ZPBP: variants seen among roughly 807,000 people sequenced by gnomAD.
ZPBP encodes zona pellucida binding protein.
Under a neutral mutation model 44.8 loss-of-function variants are expected in ZPBP, and 26 were observed. The ratio of observed to expected loss-of-function variants is 0.58; its 90% CI spans 0.43 to 0.81. The LOEUF is 0.81. Ranked by LOEUF, ZPBP falls within the 30% of genes least tolerant of loss-of-function variation. The pLI, the probability that ZPBP is intolerant of heterozygous loss-of-function variation, is 0.00. For synonymous variants in ZPBP, 174 were observed against 153.2 expected, an observed-to-expected ratio of 1.14 and a Z score of -1.00; for missense variants, 409 against 434.0, an observed-to-expected ratio of 0.94 and a Z score of 0.51.
chr7:50,034,235 A>T (rs1239765736), intron 4 of ZPBP, among the ~76,000 whole-genome samples: 1 of 151,372 alleles, frequency 6.6e-6, no homozygotes, highest in Non-Finnish European at 1.5e-5. Context: ...GTTTCTTCCA[A>T]TATCTGACTA....
chr7:49,973,811 C>T (rs1796393793), intron 7 of ZPBP, among the ~76,000 whole-genome samples: 1 of 152,216 alleles, frequency 6.6e-6, no homozygotes, highest in Non-Finnish European at 1.5e-5. Flanking sequence ...AGTAATTCCA[C>T]TCCTAGGTAT....
chr7:49,965,436 A>T (rs900408006), intron 7 of ZPBP, among the ~76,000 whole-genome samples: 5 of 152,090 alleles, frequency 3.3e-5, no homozygotes, highest in African/African-American at 1.2e-4. Flanking sequence ...TCAACAATTA[A>T]GGTAAAAGAA....
rs1799120363 is a variant in ZPBP, at chr7:50,021,982, G to A, written c.707-3666C>T. Among the ~76,000 whole-genome samples, 3 of 152,242 alleles carry A rather than the reference G, an allele frequency of 2.0e-5. No individual in the cohort carries two copies. In the South Asian group the frequency reaches 6.2e-4, roughly 32 times the overall value. ...GTCACATACTAGGTGTCCACAATAA[G>A]ACGAACATCAGATTTTTCATGAAAA... is the stretch of plus-strand genomic sequence containing the variant. On this transcript the variant is annotated intron_variant, in intron 5 of 7. Coordinates refer to ENST00000046087, the MANE Select transcript of ZPBP (RefSeq NM_007009.3).
intron 3 of ZPBP, among the ~76,000 whole-genome samples, chr7:50,078,508 A>G: frequency 6.6e-6 from 1 of 151,354 alleles, no homozygotes; most frequent in African/African-American, 2.4e-5. Flanking sequence ...TATCCACCCC[A>G]TACATATATA....
chr7:49,979,227 T>C (rs1194662598), intron 7 of ZPBP, among the ~76,000 whole-genome samples: 1 of 151,740 alleles, frequency 6.6e-6, no homozygotes, highest in African/African-American at 2.4e-5. Flanking sequence ...CGTATCACAA[T>C]TACATTGAAC....
At chr7:50,003,440 A>G (rs567381189) in intron 6 of ZPBP, among the ~76,000 whole-genome samples, 1 of 152,334 alleles carries the variant, frequency 6.6e-6, no homozygotes, top group South Asian at 2.1e-4. Flanking sequence ...CTCCAGTGGC[A>G]CAGCACAGTG....
chr7:49,905,285 T>A (rs1793026188), intron 1 of ZPBP, among the ~76,000 whole-genome samples: 1 of 152,212 alleles, frequency 6.6e-6, no homozygotes, highest in Non-Finnish European at 1.5e-5. Context: ...ACATGATAGC[T>A]ATGGAAAGTG....
intron 3 of ZPBP, among the ~76,000 whole-genome samples, chr7:50,060,690 A>T (rs1020066528): frequency 1.3e-5 from 2 of 152,130 alleles, no homozygotes; most frequent in African/African-American, 4.8e-5. Context: ...AACAACAAAA[A>T]GCCCTGGACT....
chr7:50,050,698 G>A (rs1800644392), intron 4 of ZPBP, among the ~76,000 whole-genome samples: 1 of 139,544 alleles, frequency 7.2e-6, no homozygotes, highest in Non-Finnish European at 1.5e-5. Flanking sequence ...ATTGAACCTG[G>A]ACCCTTTCCT....
chr7:50,047,228 C>T (rs150856855), intron 4 of ZPBP, among the ~76,000 whole-genome samples: 6 of 151,818 alleles, frequency 4.0e-5, no homozygotes, highest in East Asian at 1.9e-4. Flanking sequence ...CAAACCACCA[C>T]GGTATGTGTA....
Position 49,972,613 on chromosome 7 carries a change from C to G in ZPBP, c.961+10729G>C, listed in dbSNP as rs368077460. Among the ~76,000 whole-genome samples, 20 of 152,138 alleles carry G rather than the reference C, an allele frequency of 1.3e-4. No individual in the cohort carries two copies. The East Asian group carries it at 1.3e-3, about 10-fold the overall frequency. The stretch of plus-strand genomic sequence containing the variant: ...AATAACTGGAAAGGCATTCTGTGGT[C>G]ATGGATTGGTAGACTTAATATTATT... On this transcript the variant is annotated intron_variant, in intron 7 of 7. Coordinates refer to ENST00000046087, the MANE Select transcript of ZPBP (RefSeq NM_007009.3).
At chr7:49,852,476 T>C (rs1464883321) in intron 2 of ZPBP, among the ~76,000 whole-genome samples, 2 of 152,234 alleles carry the variant, frequency 1.3e-5, no homozygotes, top group African/African-American at 4.8e-5. Context: ...TTTAGGGAGA[T>C]AATTTCTTTC....
Position 50,036,268 on chromosome 7 carries a change from C to T in ZPBP, c.488-4958G>A, listed in dbSNP as rs185951205. On this transcript the variant is annotated intron_variant, in intron 4 of 7. Coordinates refer to ENST00000046087, the MANE Select transcript of ZPBP (RefSeq NM_007009.3). ...TCCCGGGTTCAAGCAATTCTCCTGC[C>T]TAAGCCTCCCGAGTAGCTGGGACTA... Among the ~76,000 whole-genome samples, 8 of 152,302 alleles carry T rather than the reference C, an allele frequency of 5.3e-5. No individual in the cohort carries two copies. In the East Asian group the frequency reaches 1.5e-3, roughly 29 times the overall value.
At chr7:49,895,787 T>A (rs941779058) in intron 2 of ZPBP, among the ~76,000 whole-genome samples, 6 of 152,254 alleles carry the variant, frequency 3.9e-5, no homozygotes, top group African/African-American at 1.4e-4. Context: ...CATATAAATA[T>A]GAAAATTAAG....
rs181449111 is a variant in ZPBP, at chr7:50,089,727, C to G, written c.128-18G>C. 6.3e-7 allele frequency: 1 copy of G among 1,586,528 alleles called. No homozygotes were observed. The highest frequency in any genetic ancestry group is 1.7e-5 in the Admixed American group (1 of 59,390). On this transcript the variant is annotated intron_variant, in intron 1 of 7. Coordinates refer to ENST00000046087, the MANE Select transcript of ZPBP (RefSeq NM_007009.3). ...GTGTCCAACTATCAAAAAAAAAGAT[C>G]AACAATTTGTCTCATTAGATATTCT...
chr7:49,950,238 A>G (rs1562795594), intron 7 of ZPBP, among the ~76,000 whole-genome samples: 2 of 151,988 alleles, frequency 1.3e-5, no homozygotes, highest in Admixed American at 6.6e-5. Context: ...AATAATATGA[A>G]TAGGTTAAAA....
chr7:49,969,302 C>A (rs1024556684), intron 7 of ZPBP, among the ~76,000 whole-genome samples: 1 of 150,160 alleles, frequency 6.7e-6, no homozygotes. Flanking sequence ...TAAGTTATAA[C>A]ATAACAAGTT....
intron 2 of ZPBP, among the ~76,000 whole-genome samples, chr7:49,867,358 T>A (rs1016978559): frequency 4.6e-5 from 7 of 152,294 alleles, no homozygotes; most frequent in Middle Eastern, 3.4e-3. Context: ...ATTTACATAT[T>A]CAGTGTCAGC....
At chr7:49,912,211 CT>C in intron 1 of ZPBP, 1 of 1,612,200 alleles carries the variant, frequency 6.2e-7, no homozygotes. Context: ...CAAACTCTGA[CT>C]TTTTCTAGAA....
Sources: gnomAD v4.1 joint callset for allele counts (sites outside exome capture counted in the v4.1 genomes callset) on GRCh38, gnomAD v4.1.1 for gene constraint, MANE v1.5 for transcripts, NCBI Gene and HGNC (gene_info 2026-07-23, HGNC 2026-07-21) for gene names.